Variants in FBRS observed in about 807,000 individuals in gnomAD.
FBRS encodes the protein probable fibrosin-1.
A neutral mutation model predicts 86.1 loss-of-function variants in FBRS; 15 were observed. The ratio of observed to expected loss-of-function variants is 0.17; its 90% CI spans 0.12 to 0.27. The LOEUF is 0.27. FBRS is among the 10% of genes least tolerant of loss of function. The pLI is 1.00. For missense variants in FBRS, 1,367 were observed against 1,301.6 expected, an observed-to-expected ratio of 1.05 and a Z score of -0.77; for synonymous variants, 666 against 575.8, an observed-to-expected ratio of 1.16 and a Z score of -2.24.
chr16:30,667,645 G>T, intron 15 of FBRS, 23 bp downstream of exon 15: 1 of 1,478,052 alleles, frequency 6.8e-7, no homozygotes. Context: ...GGCGTGTTGG[G>T]CAACCCAGGC....
rs1440502081 is a variant in FBRS, at chr16:30,665,110, T to G, written c.1608+31T>G. 2 of 1,606,802 alleles carry G rather than the reference T, an allele frequency of 1.2e-6. No homozygotes were observed. The highest frequency in any genetic ancestry group is 1.7e-6 in the Non-Finnish European group (2 of 1,177,596). On this transcript the variant is annotated intron_variant, in intron 9 of 17. Transcript: ENST00000356166. The surrounding 1 kb of genome is among the most constrained non-coding windows in gnomAD (Gnocchi z 4.1). Reference sequence around the variant, plus strand: ...TGTGTGTGTGCGTGTGCGTATGGGGTGTGTGGTGTGGGCGTGGATGCATCC... The same window carrying G: ...TGTGTGTGTGCGTGTGCGTATGGGGGGTGTGGTGTGGGCGTGGATGCATCC...
intron 15 of FBRS, chr16:30,668,151 C>G (rs2052544346): frequency 4.8e-6 from 1 of 209,480 alleles, no homozygotes; most frequent in African/African-American, 2.3e-5. Context: ...GGGAAGCCAA[C>G]AAGGTCTTCA....
In FBRS at chr16:30,665,643, G is replaced by T. The variant is rs774047637; in HGVS notation, c.1710G>T (p.Thr570=). The T allele has an allele frequency of 1.3e-6, 2 of 1,587,630 alleles. No homozygotes were observed. Among genetic ancestry groups the T allele is most frequent in the Non-Finnish European group, 1.7e-6 (2 of 1,167,478 alleles). ...SLQGAFQPKS[T]NPELPPRLGP... ...CCTCCACTCCCCTTTCCCAGAGCAC[G>T]AACCCTGAGCTGCCACCACGACTGG... Residue 570 remains threonine (T), a synonymous_variant, in exon 11 of 18, where the codon ACG becomes ACT. Coordinates refer to ENST00000356166, the MANE Select transcript of FBRS (RefSeq NM_001105079.3). The surrounding 1 kb of genome is among the most constrained non-coding windows in gnomAD (Gnocchi z 4.1).
chr16:30,670,168 G>T lies in FBRS; in HGVS notation c.*523G>T. ...TGCCCCTCCCAACAGTTCCCTTCCT[G>T]GTTAATTAAACCCTCAGACTGGTGC... is the stretch of plus-strand genomic sequence containing the variant. On this transcript the variant is annotated 3_prime_UTR_variant, in exon 18 of 18. Transcript: ENST00000356166. 1 of 458,630 alleles carries T rather than the reference G, an allele frequency of 2.2e-6. No homozygotes were observed. The highest frequency in any genetic ancestry group is 2.3e-5 in the Admixed American group (1 of 42,572). 28.4% of individuals were successfully genotyped at this position (458,630 alleles called of 1,614,324 possible).
At position 30,659,721 on chromosome 16, in the gene FBRS, C is replaced by T. The variant is rs948021943; in HGVS notation, c.203C>T (p.Ser68Leu). The T allele has an allele frequency of 6.0e-6, 7 of 1,173,988 alleles. No individual in the cohort carries two copies. The African/African-American group carries it at 8.1e-5, about 14-fold the overall frequency. 72.7% of individuals were successfully genotyped at this position (1,173,988 alleles called of 1,614,324 possible). ...CCGCCGCCGCCCGCCAGGCCTTGGT[C>T]GTCAGCTTCGTCTGGAGAGCGGCCT... Reference protein sequence around the residue: ...SSPPPPARPWSSASSGERPGG... With the variant: ...SSPPPPARPWLSASSGERPGG... Residue 68 changes from serine to leucine, a missense_variant, in exon 1 of 18, where the codon TCG becomes TTG. By Grantham distance (145) the Ser-to-Leu change is moderately radical. This residue lies in a region of FBRS where 702 missense variants were observed against 598.7 expected (regional missense o/e 1.17). Transcript: ENST00000356166.
chr16:30,667,628 A>C lies in FBRS; in HGVS notation c.2074+6A>C, dbSNP rs2052539342. The C allele has an allele frequency of 6.7e-7, 1 of 1,503,106 alleles. No individual in the cohort carries two copies. The highest frequency in any genetic ancestry group is 1.3e-5 in the South Asian group (1 of 76,542). The allele number at this position is 1,503,106 out of a possible 1,614,324, so 93.1% of individuals were successfully genotyped here. A position where few individuals can be genotyped will look rare whatever the true frequency, so the allele number is the denominator to read the frequency against. Reference sequence around the variant, plus strand: ...GAGCCCCAGCACCCACATTGGTAAGAGCCAAGGGCGTGTTGGGCAACCCAG... The same window carrying C: ...GAGCCCCAGCACCCACATTGGTAAGCGCCAAGGGCGTGTTGGGCAACCCAG... On this transcript the variant is annotated splice_donor_region_variant and intron_variant, in intron 15 of 17. Coordinates refer to ENST00000356166, the MANE Select transcript of FBRS (RefSeq NM_001105079.3).
chr16:30,667,281 G>C, intron 13 of FBRS, 39 bp from the exon 14 acceptor site: 1 of 1,443,918 alleles, frequency 6.9e-7, no homozygotes, highest in Non-Finnish European at 9.4e-7. Context: ...GACCAGACTG[G>C]CTCCTCATGT....
At position 30,669,326 on chromosome 16, in the gene FBRS, G is replaced by A. The variant is rs758839126; in HGVS notation, c.2624G>A (p.Arg875His). The part of the protein sequence containing the change: ...PPFLGPSPPD[R>H]CAGFLEPTWL... Reference sequence around the variant, plus strand: ...TTTCTGGGCCCTAGCCCACCAGATCGCTGTGCTGGCTTCCTGGAGCCAACC... The same window carrying A: ...TTTCTGGGCCCTAGCCCACCAGATCACTGTGCTGGCTTCCTGGAGCCAACC... Residue 875 changes from arginine to histidine, a missense_variant, in exon 18 of 18, where the codon CGC becomes CAC. Transcript: ENST00000356166. This position sits in a 1 kb window ranked among gnomAD's most constrained non-coding sequence, Gnocchi z 5.9. The A allele has an allele frequency of 2.5e-6, 4 of 1,610,922 alleles. No homozygotes were observed. Among genetic ancestry groups the A allele is most frequent in the South Asian group, 2.2e-5 (2 of 90,984 alleles).
chr16:30,668,734 TC>T, intron 16 of FBRS, 37 bp from the exon 17 acceptor site: 1 of 1,588,114 alleles, frequency 6.3e-7, no homozygotes, highest in South Asian at 1.1e-5. Flanking sequence ...GCCTCCCACT[TC>T]TGGCCCCTGT....
Position 30,659,911 on chromosome 16 carries a change from A to AGAG in FBRS, c.405_407dup (p.Glu135dup). The AGAG allele has an allele frequency of 3.2e-6, 5 of 1,551,366 alleles. No individual in the cohort carries two copies. Among genetic ancestry groups the AGAG allele is most frequent in the Middle Eastern group, 1.7e-4 (1 of 5,828 alleles). On this transcript the variant is annotated inframe_insertion, in exon 1 of 18. Transcript: ENST00000356166. ...CCGAGGAGGAGCCTGAGGAGGAGGA[A>AGAG]GAGGAGGAGGAGGACTTGATCGATG...
Position 30,664,397 on chromosome 16 carries a change from G to A in FBRS, c.1238G>A (p.Arg413Gln), listed in dbSNP as rs868451607. The A allele has an allele frequency of 6.5e-5, 91 of 1,403,750 alleles. No homozygotes were observed. The highest frequency in any genetic ancestry group is 7.4e-5 in the Non-Finnish European group (78 of 1,050,146). 87.0% of individuals were successfully genotyped at this position (1,403,750 alleles called of 1,614,324 possible). Residue 413 changes from arginine to glutamine, a missense_variant, in exon 7 of 18, where the codon CGG becomes CAG. Transcript: ENST00000356166. ...STHSFPPPGL[R>Q]PPPPPHHPSL... is the part of the protein sequence containing the mutation. ...CACAGCTTTCCCCCTCCCGGGCTGC[G>A]GCCCCCCCCACCACCCCACCACCCC...
intron 2 of FBRS, 67 bp downstream of exon 2, chr16:30,660,509 C>T (rs947938059): frequency 4.6e-5 from 58 of 1,255,592 alleles, no homozygotes; most frequent in Non-Finnish European, 5.5e-5. Flanking sequence ...TCATCAGCAA[C>T]GCCACTGCCC....
chr16:30,664,832 A>C lies in FBRS; in HGVS notation c.1475A>C (p.Asn492Thr), dbSNP rs2052502653. ...CTGGCCTTCCAGTTCCACCAGCACA[A>C]CCACCAGCACCAGCACACCCACCAG... ...RPLAFQFHQH[N>T]HQHQHTHQHT... Residue 492 changes from asparagine (N) to threonine (T), a missense_variant, in exon 8 of 18, where the codon AAC (asparagine) becomes ACC (threonine). By Grantham distance (65) the Asn-to-Thr change is moderately conservative. Transcript: ENST00000356166. 1 of 1,570,028 alleles carries C rather than the reference A, an allele frequency of 6.4e-7. No individual in the cohort carries two copies. Among genetic ancestry groups the C allele is most frequent in the Non-Finnish European group, 8.6e-7 (1 of 1,157,500 alleles).
chr16:30,660,720 T>C, intron 2 of FBRS: 1 of 498,286 alleles, frequency 2.0e-6, no homozygotes, highest in Non-Finnish European at 3.3e-6. Context: ...TTGTGGTTCC[T>C]GCCCTTCCTC....
Position 30,668,613 on chromosome 16 carries a change from G to A in FBRS, c.2128G>A (p.Ala710Thr). The change falls in exon 16 of 18, where the codon GCC (alanine) becomes ACC (threonine). Residue 710 changes from alanine to threonine, a missense_variant. By Grantham distance (58) the Ala-to-Thr change is moderately conservative. Coordinates refer to ENST00000356166, the MANE Select transcript of FBRS (RefSeq NM_001105079.3). ...CTCTTTGGCTGCCCTCTCCAACGGG[G>A]CCTTTGGAGGCCTGGGCAGCCCCAC... Reference protein sequence around the residue: ...FASLAALSNGAFGGLGSPTFN... With the variant: ...FASLAALSNGTFGGLGSPTFN... The A allele has an allele frequency of 6.2e-7, 1 of 1,611,882 alleles. No individual in the cohort carries two copies. Among genetic ancestry groups the A allele is most frequent in the Non-Finnish European group, 8.5e-7 (1 of 1,178,328 alleles).
Position 30,667,392 on chromosome 16 carries a change from C to T in FBRS, c.1948C>T (p.Pro650Ser). ...TCCGGGGCCCTATGGGGCCCTGCCC[C>T]CTGGGCAGGAGCTCTCCCACCCGGC... ...CLPGPYGALP[P>S]GQELSHPASL... The change falls in exon 14 of 18, where the codon CCT becomes TCT. Residue 650 changes from proline to serine, a missense_variant. Pro to Ser is a moderately conservative substitution (Grantham distance 74, BLOSUM62 -1). This residue lies in a region of FBRS where 659 missense variants were observed against 678.8 expected (regional missense o/e 0.97). Coordinates refer to ENST00000356166, the MANE Select transcript of FBRS (RefSeq NM_001105079.3). 1 of 1,552,116 alleles carries T rather than the reference C, an allele frequency of 6.4e-7. No homozygotes were observed. The highest frequency in any genetic ancestry group is 8.7e-7 in the Non-Finnish European group (1 of 1,147,260).
Position 30,669,556 on chromosome 16 carries a change from G to A in FBRS, c.2854G>A (p.Ala952Thr), listed in dbSNP as rs1364580571. ...PHLLSKTPPG[A>T]LLGAPPPLVP... ...CCTTCTCAGCAAGACCCCACCGGGA[G>A]CCCTTTTGGGGGCACCACCTCCGCT... is the stretch of plus-strand genomic sequence containing the variant. The change falls in exon 18 of 18, where the codon GCC becomes ACC. Residue 952 changes from alanine to threonine, a missense_variant. Ala to Thr is a moderately conservative substitution (Grantham distance 58, BLOSUM62 0). Around this residue, in one of 3 missense-constraint regions of FBRS, gnomAD observed 659 missense variants for 678.8 expected, o/e 0.97. Transcript: ENST00000356166. The surrounding 1 kb of genome is among the most constrained non-coding windows in gnomAD (Gnocchi z 5.9). The A allele has an allele frequency of 9.9e-6, 16 of 1,612,758 alleles. No homozygotes were observed. Among genetic ancestry groups the A allele is most frequent in the African/African-American group, 1.3e-5 (1 of 75,050 alleles).
At position 30,665,442 on chromosome 16, in the gene FBRS, G is replaced by C; in HGVS notation, c.1704+41G>C. 6.5e-7 allele frequency: 1 copy of C among 1,527,478 alleles called. No homozygotes were observed. The highest frequency in any genetic ancestry group is 8.9e-7 in the Non-Finnish European group (1 of 1,125,002). The allele number at this position is 1,527,478 out of a possible 1,614,324, so 94.6% of individuals were successfully genotyped here. On this transcript the variant is annotated intron_variant, in intron 10 of 17. Transcript: ENST00000356166. This position sits in a 1 kb window ranked among gnomAD's most constrained non-coding sequence, Gnocchi z 4.1. The stretch of plus-strand genomic sequence containing the variant: ...AGACACCACCACCGCCTACCATCTT[G>C]ACAAACCCAGACACGCCGGGTCCAA...
chr16:30,669,349 A>G lies in FBRS; in HGVS notation c.2647A>G (p.Thr883Ala). ...TCGCTGTGCTGGCTTCCTGGAGCCA[A>G]CCTGGTTGGCAGCACCCCCACGCCT... Reference protein sequence around the residue: ...PDRCAGFLEPTWLAAPPRLAR... With the variant: ...PDRCAGFLEPAWLAAPPRLAR... Residue 883 changes from threonine (T) to alanine (A), a missense_variant, in exon 18 of 18, where the codon ACC becomes GCC. Thr to Ala is a moderately conservative substitution (Grantham distance 58). Coordinates refer to ENST00000356166, the MANE Select transcript of FBRS (RefSeq NM_001105079.3). This position sits in a 1 kb window ranked among gnomAD's most constrained non-coding sequence, Gnocchi z 5.9. 6.2e-7 allele frequency: 1 copy of G among 1,612,256 alleles called. No individual in the cohort carries two copies.
Sources: gnomAD v4.1 joint callset for allele counts on GRCh38, gnomAD v4.1.1 for gene constraint, gnomAD v4.1.1 regional missense constraint, Gnocchi (gnomAD v3.1) non-coding constraint, MANE v1.5 for transcripts, NCBI Gene and HGNC (gene_info 2026-07-23, HGNC 2026-07-21) for gene names.